CCBE1: variants seen among roughly 807,000 people sequenced by gnomAD.
CCBE1 encodes the protein collagen and calcium-binding EGF domain-containing protein 1.
CCBE1 carries 37 observed loss-of-function variants against 50.0 expected under a neutral mutation model. The ratio of observed to expected loss-of-function variants is 0.74; its 90% CI spans 0.57 to 0.97. The LOEUF is 0.97. Among genes scored for constraint, CCBE1 ranks in the 50% least tolerant of loss-of-function variants. The pLI is 0.00. For synonymous variants in CCBE1, 234 were observed against 203.7 expected (o/e 1.15, Z -1.27); for missense variants, 538 against 523.8 (o/e 1.03, Z -0.26).
intron 2 of CCBE1, among the ~76,000 whole-genome samples, chr18:59,626,561 T>C (rs961964340): frequency 4.6e-5 from 7 of 152,228 alleles, no homozygotes; most frequent in Non-Finnish European, 1.5e-5. Context: ...ATTTCCCAAG[T>C]GTTAGCTCAT....
chr18:59,510,692 GATTACAGGC>G (rs2144294827), intron 2 of CCBE1, among the ~76,000 whole-genome samples: 1 of 152,314 alleles, frequency 6.6e-6, no homozygotes, highest in South Asian at 2.1e-4. Context: ...AAAGTGCTGG[GATTACAGGC>G]AGGAGCCACC....
chr18:59,554,872 T>G (rs1179778200), intron 2 of CCBE1, among the ~76,000 whole-genome samples: 2 of 152,212 alleles, frequency 1.3e-5, no homozygotes, highest in Non-Finnish European at 1.5e-5. Context: ...TCCCCTTGCC[T>G]AGCCACTACC....
chr18:59,498,559 C>G (rs1367277368), intron 2 of CCBE1, among the ~76,000 whole-genome samples: 1 of 152,136 alleles, frequency 6.6e-6, no homozygotes, highest in Non-Finnish European at 1.5e-5. Context: ...AGAGTTAGAG[C>G]TTGAGTTTAA....
chr18:59,572,426 A>G (rs1376628321), intron 2 of CCBE1, among the ~76,000 whole-genome samples: 1 of 152,218 alleles, frequency 6.6e-6, no homozygotes, highest in Non-Finnish European at 1.5e-5. Flanking sequence ...TGGGTTTTTT[A>G]TAACATAATT....
intron 2 of CCBE1, among the ~76,000 whole-genome samples, chr18:59,655,599 C>G (rs2054178717): frequency 6.6e-6 from 1 of 152,212 alleles, no homozygotes; most frequent in Non-Finnish European, 1.5e-5. Flanking sequence ...CAGCCATAGA[C>G]AACATGTAAG....
At position 59,594,437 on chromosome 18, in the gene CCBE1, C is replaced by T. The variant is rs570401638; in HGVS notation, c.212+102192G>A. On this transcript the variant is annotated intron_variant, in intron 2 of 10. Transcript: ENST00000439986. ...TGTTATTTAATGGGTACAGAGTTTC[C>T]GTTGGGGAAACTCAAAGTGTACTGG... 1.4e-4 allele frequency among the ~76,000 whole-genome samples: 22 copies of T among 152,220 alleles called. No individual in the cohort carries two copies. The South Asian group carries it at 4.6e-3, about 32-fold the overall frequency.
intron 2 of CCBE1, among the ~76,000 whole-genome samples, chr18:59,500,053 T>C (rs1406471633): frequency 3.9e-5 from 6 of 152,190 alleles, no homozygotes; most frequent in Admixed American, 6.5e-5. Context: ...AGGGCTTAGC[T>C]CTTCAGCAGG....
At chr18:59,600,190 C>T (rs929110047) in intron 2 of CCBE1, among the ~76,000 whole-genome samples, 1 of 152,134 alleles carries the variant, frequency 6.6e-6, no homozygotes, top group Non-Finnish European at 1.5e-5. Flanking sequence ...TCTACCTGTG[C>T]TCTACCTCCT....
chr18:59,510,687 G>T (rs550470088), intron 2 of CCBE1, among the ~76,000 whole-genome samples: 2 of 152,276 alleles, frequency 1.3e-5, no homozygotes, highest in South Asian at 4.1e-4. Context: ...CTCCCAAAGT[G>T]CTGGGATTAC....
chr18:59,566,772 C>CT (rs1327627729), intron 2 of CCBE1, among the ~76,000 whole-genome samples: 4 of 152,126 alleles, frequency 2.6e-5, no homozygotes, highest in East Asian at 1.9e-4. Flanking sequence ...TCACCACTCT[C>CT]TTTTTTTGTC....
chr18:59,547,072 GGGGAGAGAAAGGGAGAGAGA>G (rs1915724160), intron 2 of CCBE1, among the ~76,000 whole-genome samples: 2 of 61,700 alleles, frequency 3.2e-5, no homozygotes, highest in Non-Finnish European at 6.1e-5. Context: ...GGGGAGAGAG[GGGGAGAGAAAGGGAGAGAGA>G]GGGAGGTAGG....
chr18:59,510,958 G>A (rs973197241), intron 2 of CCBE1, among the ~76,000 whole-genome samples: 3 of 152,104 alleles, frequency 2.0e-5, no homozygotes, highest in Admixed American at 6.5e-5. Context: ...CAGGAGCATC[G>A]GTGGTGAGAG....
chr18:59,550,948 T>C (rs1159816901), intron 2 of CCBE1, among the ~76,000 whole-genome samples: 1 of 127,262 alleles, frequency 7.9e-6, no homozygotes, highest in East Asian at 2.2e-4. Flanking sequence ...GAGCTTGCAC[T>C]GAGCTGAGAT....
chr18:59,633,427 C>A (rs1250100433), intron 2 of CCBE1, among the ~76,000 whole-genome samples: 1 of 152,224 alleles, frequency 6.6e-6, no homozygotes, highest in African/African-American at 2.4e-5. Context: ...TTTCTCTGGT[C>A]CAAATTCAGG....
At chr18:59,520,802 T>G (rs1316686464) in intron 2 of CCBE1, among the ~76,000 whole-genome samples, 3 of 152,270 alleles carry the variant, frequency 2.0e-5, no homozygotes, top group Admixed American at 1.3e-4. Context: ...ATTGTTTTCT[T>G]CTCTGAAACA....
chr18:59,657,816 G>A (rs1012915342), intron 2 of CCBE1, among the ~76,000 whole-genome samples: 2 of 152,144 alleles, frequency 1.3e-5, no homozygotes, highest in Non-Finnish European at 2.9e-5. Context: ...GCTCGAACCC[G>A]GGAGGTGGAG....
intron 2 of CCBE1, among the ~76,000 whole-genome samples, chr18:59,629,794 C>G (rs373065813): frequency 1.3e-5 from 2 of 152,254 alleles, no homozygotes; most frequent in African/African-American, 2.4e-5. Flanking sequence ...AGGTTCTCAA[C>G]AGCTTGTCGG....
In CCBE1 at chr18:59,569,404, G is replaced by A. The variant is rs77304395; in HGVS notation, c.213-89166C>T. Among the ~76,000 whole-genome samples, 1,469 of 152,222 alleles carry A rather than the reference G, an allele frequency of 9.7e-3. 30 individuals are homozygous for A. The highest frequency in any genetic ancestry group is 0.034 in the African/African-American group (1,422 of 41,522). On this transcript the variant is annotated intron_variant, in intron 2 of 10. Transcript: ENST00000439986. ...TTCAGATGCCATGAACTATTCACTA[G>A]TTGATTTATCTTTTGCATCTATTCA...
intron 2 of CCBE1, among the ~76,000 whole-genome samples, chr18:59,624,485 A>G (rs560867517): frequency 1.3e-5 from 2 of 152,388 alleles, no homozygotes; most frequent in East Asian, 3.9e-4. Context: ...TCTGGTGAAC[A>G]TAACTTTGCA....
Sources: allele counts gnomAD v4.1 joint callset (sites outside exome capture counted in the v4.1 genomes callset), GRCh38; gene constraint gnomAD v4.1.1; transcripts MANE v1.5; gene names NCBI Gene and HGNC (gene_info 2026-07-23, HGNC 2026-07-21).